The following GOSR2 variants were observed in gnomAD, a reference collection of about 807,000 sequenced individuals.
GOSR2 encodes golgi SNAP receptor complex member 2, also known as 27 kDa Golgi SNARE protein.
In GOSR2, 20 loss-of-function variants were observed where a neutral mutation model predicts 27.9. The ratio of observed to expected loss-of-function variants is 0.72; its 90% CI spans 0.50 to 1.04. The LOEUF is 1.04. Among genes scored for constraint, GOSR2 ranks in the 50% least tolerant of loss-of-function variants. The pLI, the probability that GOSR2 is intolerant of heterozygous loss-of-function variation, is 0.00. For synonymous variants in GOSR2, 91 were observed against 98.8 expected (o/e 0.92, Z 0.47); for missense variants, 261 against 270.5 (o/e 0.97, Z 0.25).
chr17:46,961,455 A>G (rs571965847), intron 6 of GOSR2, among the ~76,000 whole-genome samples: 4 of 152,286 alleles, frequency 2.6e-5, no homozygotes, highest in South Asian at 4.2e-4. Flanking sequence ...GGATTGCTTA[A>G]GCTCAGGAGT....
intron 1 of GOSR2, chr17:46,923,975 G>C: frequency 2.5e-6 from 1 of 397,470 alleles, no homozygotes; most frequent in Non-Finnish European, 4.4e-6. Context: ...ATTTTTTATT[G>C]TAAAATATAC....
At position 46,929,349 on chromosome 17, in the gene GOSR2, T is replaced by A. The variant is rs1178577584; in HGVS notation, c.30-171T>A. 2.0e-5 allele frequency among the ~76,000 whole-genome samples: 3 copies of A among 152,208 alleles called. No individual in the cohort carries two copies. The East Asian group carries it at 5.8e-4, about 29-fold the overall frequency. ...AGTGTTATTGTTAGTAGTTAAGATA[T>A]TAGAAACCATGCCAAAACGTGGGAC... is the stretch of plus-strand genomic sequence containing the variant. On this transcript the variant is annotated intron_variant, in intron 1 of 5. Transcript: ENST00000640051.
At chr17:46,925,228 A>G (rs2146746558) in intron 1 of GOSR2, among the ~76,000 whole-genome samples, 1 of 152,358 alleles carries the variant, frequency 6.6e-6, no homozygotes, top group East Asian at 1.9e-4. Context: ...AGCCATAGAC[A>G]ATATGTAAAC....
downstream of GOSR2, among the ~76,000 whole-genome samples, chr17:46,943,530 C>T (rs2089541148): frequency 6.6e-6 from 1 of 152,260 alleles, no homozygotes; most frequent in Admixed American, 6.5e-5. Context: ...TGCCCCTCCC[C>T]TCCAAACAAC....
downstream of GOSR2, among the ~76,000 whole-genome samples, chr17:46,946,478 A>T (rs1599126466): frequency 6.9e-6 from 1 of 144,230 alleles, no homozygotes; most frequent in African/African-American, 2.5e-5. Context: ...AAAAAAAAAA[A>T]AGTAGGTGGC....
chr17:46,929,338 T>C (rs971544621), intron 1 of GOSR2, among the ~76,000 whole-genome samples, 182 bp from the exon 2 acceptor site: 3 of 152,214 alleles, frequency 2.0e-5, no homozygotes, highest in South Asian at 2.1e-4. Context: ...TTATTGTTAG[T>C]AGTTAAGATA....
chr17:46,940,533 G>A lies in GOSR2; in HGVS notation c.*1773G>A, dbSNP rs758885350. 1 of 1,614,054 alleles carries A rather than the reference G, an allele frequency of 6.2e-7. No individual in the cohort carries two copies. The highest frequency in any genetic ancestry group is 1.7e-5 in the Admixed American group (1 of 60,032). ...TAAAATGGATTCTGAGACTGCGACG[G>A]CAAGGCTGTCCTGTCCCCCAGGCAC... On this transcript the variant is annotated 3_prime_UTR_variant, in exon 6 of 6. Coordinates refer to ENST00000640051, the MANE Select transcript of GOSR2 (RefSeq NM_004287.5).
intron 6 of GOSR2, among the ~76,000 whole-genome samples, chr17:46,958,871 G>T (rs1198219482): frequency 6.6e-6 from 1 of 152,236 alleles, no homozygotes; most frequent in African/African-American, 2.4e-5. Flanking sequence ...GACTTGCTGT[G>T]TGGCCCCTCA....
In GOSR2 at chr17:46,941,456, C is replaced by T. The variant is rs577512323; in HGVS notation, c.*2696C>T. ...GGCCAGAGATTCTCAAACACTGCTC[C>T]ATGGCCAGGGGCTGGGCTGGCTGCT... is the stretch of plus-strand genomic sequence containing the variant. On this transcript the variant is annotated 3_prime_UTR_variant, in exon 6 of 6. Transcript: ENST00000640051. The T allele has an allele frequency of 3.1e-4, 302 of 982,804 alleles. 1 individual carries two copies. The highest frequency in any genetic ancestry group is 1.5e-3 in the African/African-American group (87 of 57,286). The allele number at this position is 982,804 out of a possible 1,614,324, so 60.9% of individuals were successfully genotyped here. A position where few individuals can be genotyped will look rare whatever the true frequency, so the allele number is the denominator to read the frequency against.
At chr17:46,936,273 G>A (rs1171009643) in intron 5 of GOSR2, 3 of 985,186 alleles carry the variant, frequency 3.0e-6, no homozygotes, top group Non-Finnish European at 3.6e-6. Flanking sequence ...AACAGTAGAG[G>A]CCTTTTAGGA....
At chr17:46,973,756 A>T (rs1237420146) in intron 6 of GOSR2, among the ~76,000 whole-genome samples, 4 of 148,112 alleles carry the variant, frequency 2.7e-5, no homozygotes, top group Middle Eastern at 3.2e-3. Flanking sequence ...ATCTGCACTC[A>T]AGAGATACTA....
chr17:46,968,064 C>T (rs74855004), downstream of GOSR2, among the ~76,000 whole-genome samples: 409 of 152,046 alleles, frequency 2.7e-3, 2 homozygotes, highest in African/African-American at 9.5e-3. Flanking sequence ...GGGATGGGGG[C>T]CTTCTTCAGC....
intron 3 of GOSR2, chr17:46,931,502 A>G (rs1470499387): frequency 2.2e-5 from 10 of 460,678 alleles, no homozygotes; most frequent in Non-Finnish European, 3.5e-5. Flanking sequence ...CCTGAAGCCT[A>G]ATGTTGCCAT....
Position 46,923,234 on chromosome 17 carries a change from C to G in GOSR2, c.29+13C>G. The G allele has an allele frequency of 1.3e-6, 2 of 1,550,814 alleles. No homozygotes were observed. Among genetic ancestry groups the G allele is most frequent in the Non-Finnish European group, 1.7e-6 (2 of 1,146,410 alleles). ...AGCAAACGCACAAGTGAGGGCCGGTCGGGGAGCGGGCAGGGGCTAGACGAG... is the reference window on the plus strand; with the variant it reads ...AGCAAACGCACAAGTGAGGGCCGGTGGGGGAGCGGGCAGGGGCTAGACGAG... On this transcript the variant is annotated intron_variant, in intron 1 of 5. Coordinates refer to ENST00000640051, the MANE Select transcript of GOSR2 (RefSeq NM_004287.5).
At chr17:46,964,372 G>A (rs1202659790) in intron 6 of GOSR2, 1 of 152,244 alleles carries the variant, frequency 6.6e-6, no homozygotes. Context: ...ACTTCTGATG[G>A]AGGTGATCTG....
chr17:46,967,280 C>CA (rs1285775919), downstream of GOSR2, among the ~76,000 whole-genome samples: 3 of 152,244 alleles, frequency 2.0e-5, no homozygotes, highest in Non-Finnish European at 4.4e-5. Context: ...TGCACAACCT[C>CA]AAACAAGTCT....
intron 6 of GOSR2, among the ~76,000 whole-genome samples, chr17:46,956,270 G>C: frequency 1.4e-5 from 2 of 140,188 alleles, no homozygotes; most frequent in Admixed American, 7.5e-5. Flanking sequence ...ATTCTGCCTT[G>C]CCAGTCCTTT....
rs2146912195 is a variant in GOSR2, at chr17:46,932,089, G to C, written c.226G>C (p.Asp76His). Residue 76 changes from aspartate (D) to histidine (H), a missense_variant, in exon 4 of 6, where the codon GAT becomes CAT. Physicochemically the swap from Asp to His is moderately conservative, Grantham distance 81. Coordinates refer to ENST00000640051, the MANE Select transcript of GOSR2 (RefSeq NM_004287.5). Reference sequence around the variant, plus strand: ...CAGTCGGGTTGACCAGTTAAAGTATGATGTCCAGCACCTGCAGACTGCGCT... The same window carrying C: ...CAGTCGGGTTGACCAGTTAAAGTATCATGTCCAGCACCTGCAGACTGCGCT... Reference protein sequence around the residue: ...ARLRVDQLKYDVQHLQTALRN... With the variant: ...ARLRVDQLKYHVQHLQTALRN... 1 of 1,613,678 alleles carries C rather than the reference G, an allele frequency of 6.2e-7. No homozygotes were observed. Among genetic ancestry groups the C allele is most frequent in the Non-Finnish European group, 8.5e-7 (1 of 1,179,576 alleles).
intron 6 of GOSR2, among the ~76,000 whole-genome samples, chr17:46,974,274 TCACC>T (rs778106061): frequency 1.0e-3 from 158 of 152,340 alleles, no homozygotes; most frequent in Admixed American, 1.8e-3. Flanking sequence ...CATCCGTTGC[TCACC>T]CAGTGCCTGG....
Sources: allele counts gnomAD v4.1 joint callset (sites outside exome capture counted in the v4.1 genomes callset), GRCh38; gene constraint gnomAD v4.1.1; transcripts MANE v1.5; gene names NCBI Gene and HGNC (gene_info 2026-07-23, HGNC 2026-07-21).